The following SSX2IP variants were observed in gnomAD, a reference collection of about 807,000 sequenced individuals.
The protein encoded by SSX2IP is afadin- and alpha-actinin-binding protein.
A neutral mutation model predicts 84.9 loss-of-function variants in SSX2IP; 55 were observed. That is an observed-to-expected ratio of 0.65 (90% CI 0.52 to 0.81). The LOEUF (loss-of-function observed/expected upper bound fraction) is 0.81, where lower values mean the gene tolerates loss of function less well. Among genes scored for constraint, SSX2IP ranks in the 30% least tolerant of loss-of-function variants. SSX2IP has a pLI of 0.00. For missense variants in SSX2IP, 664 were observed against 705.2 expected (o/e 0.94, Z 0.66); for synonymous variants, 239 against 234.7 (o/e 1.02, Z -0.17).
intron 1 of SSX2IP, among the ~76,000 whole-genome samples, chr1:84,684,119 C>T (rs1348300103): frequency 2.0e-5 from 3 of 152,152 alleles, no homozygotes; most frequent in Non-Finnish European, 2.9e-5. Flanking sequence ...ATCTACTCAT[C>T]GTTTTTTCAA....
At chr1:84,680,457 ATTTC>A (rs895300969) in intron 1 of SSX2IP, 2 of 152,150 alleles carry the variant, frequency 1.3e-5, no homozygotes, top group African/African-American at 2.4e-5. Context: ...TAGTTACCAA[ATTTC>A]TTTAATAATT....
chr1:84,682,013 T>C (rs1187779844), intron 1 of SSX2IP, among the ~76,000 whole-genome samples: 1 of 152,192 alleles, frequency 6.6e-6, no homozygotes, highest in African/African-American at 2.4e-5. Flanking sequence ...GGAAATTGAC[T>C]TTATTAACAC....
rs771343908 is a variant in SSX2IP, at chr1:84,662,503, C to T, written c.701G>A (p.Arg234Lys). 1.9e-6 allele frequency: 3 copies of T among 1,613,992 alleles called. No individual in the cohort carries two copies. In the East Asian group the frequency reaches 6.7e-5, roughly 36 times the overall value. ...IAMDILNYVG[R>K]ADGKRGSWRT... Reference sequence around the variant, plus strand: ...CCAGGAGCCTCTTTTTCCATCAGCTCTCCCGACATAATTCAAAATGTCCAT... The same window carrying T: ...CCAGGAGCCTCTTTTTCCATCAGCTTTCCCGACATAATTCAAAATGTCCAT... The change falls in exon 7 of 14, where the codon AGA becomes AAA. Residue 234 changes from arginine to lysine, a missense_variant. Arg to Lys is a conservative substitution (Grantham distance 26). Transcript: ENST00000342203.
intron 13 of SSX2IP, chr1:84,649,906 TC>T: frequency 1.9e-6 from 1 of 529,548 alleles, no homozygotes; most frequent in Non-Finnish European, 3.7e-6. Context: ...TGGGCACAAA[TC>T]TTTTTCACTC....
Position 84,671,254 on chromosome 1 carries a change from G to C in SSX2IP, c.-35C>G. ...TAGAGCCAGGATACCTGAGGAACTA[G>C]TTCAGCAGTTAAACATTTAGTCTAG... On this transcript the variant is annotated 5_prime_UTR_variant, in exon 2 of 14. Transcript: ENST00000342203. The C allele has an allele frequency of 6.2e-7, 1 of 1,604,360 alleles. No individual in the cohort carries two copies. Among genetic ancestry groups the C allele is most frequent in the Non-Finnish European group, 8.5e-7 (1 of 1,175,510 alleles).
rs984714084 is a variant in SSX2IP, at chr1:84,670,577, T to C, written c.213+69A>G. 4.4e-6 allele frequency: 5 copies of C among 1,138,554 alleles called. No homozygotes were observed. The African/African-American group carries it at 6.3e-5, about 14-fold the overall frequency. 70.5% of individuals were successfully genotyped at this position (1,138,554 alleles called of 1,614,324 possible). On this transcript the variant is annotated intron_variant, in intron 3 of 13. Transcript: ENST00000342203. ...CAAACTTGTGTTTGACAAATGTTTT[T>C]CTCATAATTTTGATACATTCTATTA...
chr1:84,688,432 C>T (rs1461988310), intron 1 of SSX2IP, among the ~76,000 whole-genome samples: 1 of 152,172 alleles, frequency 6.6e-6, no homozygotes, highest in East Asian at 1.9e-4. Context: ...TCTTTGAAAT[C>T]GATCCAATTT....
At chr1:84,670,316 G>A (rs1444631040) in intron 3 of SSX2IP, 1 of 185,142 alleles carries the variant, frequency 5.4e-6, no homozygotes, top group Non-Finnish European at 1.1e-5. Context: ...ATATCCCAAA[G>A]GACAAAGAGT....
intron 13 of SSX2IP, 145 bp from the exon 14 acceptor site, chr1:84,647,752 G>GTAA: frequency 3.8e-6 from 1 of 261,568 alleles, no homozygotes; most frequent in Non-Finnish European, 6.7e-6. Context: ...ATTTTACTTG[G>GTAA]AAAAAAAAAA....
intron 1 of SSX2IP, among the ~76,000 whole-genome samples, chr1:84,673,948 T>C (rs1212321555): frequency 6.6e-6 from 1 of 152,198 alleles, no homozygotes; most frequent in Non-Finnish European, 1.5e-5. Flanking sequence ...TTGAACTATT[T>C]TGTTCTTCCC....
chr1:84,655,623 TTTC>T, intron 11 of SSX2IP: 1 of 1,505,952 alleles, frequency 6.6e-7, no homozygotes, highest in Non-Finnish European at 8.9e-7. Context: ...AGCGTTTTTT[TTTC>T]TTAAGTTCAA....
intron 1 of SSX2IP, among the ~76,000 whole-genome samples, chr1:84,682,279 G>C (rs1655181405): frequency 6.6e-6 from 1 of 152,190 alleles, no homozygotes; most frequent in African/African-American, 2.4e-5. Context: ...GGTACTGAGA[G>C]AGCGCTGGAC....
rs538380087 is a variant in SSX2IP at position 84,646,246 on chromosome 1, A to G, written c.*1187T>C. Reference sequence around the variant, plus strand: ...AATCCTGGGAAAGAGCTGAGCCTACATTTATTATTATTACTATCAAAACAA... The same window carrying G: ...AATCCTGGGAAAGAGCTGAGCCTACGTTTATTATTATTACTATCAAAACAA... On this transcript the variant is annotated 3_prime_UTR_variant, in exon 14 of 14. Coordinates refer to ENST00000342203, the MANE Select transcript of SSX2IP (RefSeq NM_001166293.2). 4 of 152,678 alleles carry G rather than the reference A, an allele frequency of 2.6e-5. No individual in the cohort carries two copies. The South Asian group carries it at 8.3e-4, about 32-fold the overall frequency. 9.5% of individuals were successfully genotyped at this position (152,678 alleles called of 1,614,324 possible).
At chr1:84,679,303 G>A (rs1298791455) in intron 1 of SSX2IP, among the ~76,000 whole-genome samples, 4 of 152,218 alleles carry the variant, frequency 2.6e-5, no homozygotes, top group South Asian at 2.1e-4. Flanking sequence ...GTTCAGATGC[G>A]CACATCAGTA....
chr1:84,689,807 C>T (rs2102672717), intron 1 of SSX2IP, among the ~76,000 whole-genome samples: 1 of 152,348 alleles, frequency 6.6e-6, no homozygotes, highest in African/African-American at 2.4e-5. Flanking sequence ...TATTTTCACA[C>T]ATGCCTGCCT....
At chr1:84,661,092 T>C (rs901468857) in intron 8 of SSX2IP, among the ~76,000 whole-genome samples, 1 of 145,542 alleles carries the variant, frequency 6.9e-6, no homozygotes, top group Non-Finnish European at 1.5e-5. Context: ...AAAAAAAATT[T>C]AGGTAATTTT....
intron 2 of SSX2IP, 76 bp from the exon 3 acceptor site, chr1:84,670,891 G>C: frequency 8.5e-7 from 1 of 1,171,254 alleles, no homozygotes; most frequent in Non-Finnish European, 1.2e-6. Flanking sequence ...CATTACTAAA[G>C]ACTTTGAATT....
chr1:84,672,863 T>A (rs527797341), intron 1 of SSX2IP, among the ~76,000 whole-genome samples: 86 of 152,040 alleles, frequency 5.7e-4, no homozygotes, highest in Non-Finnish European at 9.6e-4. Context: ...CCGTCTCTAC[T>A]GAAAATACAA....
Position 84,671,288 on chromosome 1 carries a change from A to G in SSX2IP, c.-69T>C. 9.4e-6 allele frequency: 15 copies of G among 1,590,068 alleles called. No homozygotes were observed. The highest frequency in any genetic ancestry group is 1.3e-5 in the Non-Finnish European group (15 of 1,170,104). On this transcript the variant is annotated 5_prime_UTR_variant, in exon 2 of 14. Coordinates refer to ENST00000342203, the MANE Select transcript of SSX2IP (RefSeq NM_001166293.2). Reference sequence around the variant, plus strand: ...TTAAACATTTAGTCTAGCTGCTGTCACTCTTCTATGTAGGCATCTCCTTAA... The same window carrying G: ...TTAAACATTTAGTCTAGCTGCTGTCGCTCTTCTATGTAGGCATCTCCTTAA...
Sources: gnomAD v4.1 joint callset for allele counts (sites outside exome capture counted in the v4.1 genomes callset) on GRCh38, gnomAD v4.1.1 for gene constraint, MANE v1.5 for transcripts, NCBI Gene and HGNC (gene_info 2026-07-23, HGNC 2026-07-21) for gene names.